PLD1: variants seen among roughly 807,000 people sequenced by gnomAD.
PLD1 encodes choline phosphatase 1.
PLD1 carries 112 observed loss-of-function variants against 137.1 expected under a neutral mutation model. The observed-to-expected ratio is 0.82, with a 90% confidence interval of 0.70 to 0.96. PLD1 has a LOEUF of 0.96. Ranked by LOEUF, PLD1 falls within the 40% of genes least tolerant of loss-of-function variation. The pLI is 0.00. For synonymous variants in PLD1, 431 were observed against 454.7 expected (o/e 0.95, Z 0.66); for missense variants, 1,321 against 1,342.0 (o/e 0.98, Z 0.24).
chr3:171,639,613 ATATATAATATATATTC>A (rs1735517070), intron 23 of PLD1, among the ~76,000 whole-genome samples: 16 of 70,702 alleles, frequency 2.3e-4, no homozygotes, highest in East Asian at 1.3e-3. Flanking sequence ...AATATATATT[ATATATAATATATATTC>A]TATATAATAT....
In PLD1 at chr3:171,712,382, T is replaced by C. The variant is rs1717332672; in HGVS notation, c.911+1511A>G. Among the ~76,000 whole-genome samples the C allele has an allele frequency of 1.3e-5, 2 of 152,108 alleles. 1 individual carries two copies. The highest frequency in any genetic ancestry group is 4.1e-4 in the South Asian group (2 of 4,824). On this transcript the variant is annotated intron_variant, in intron 9 of 26. Transcript: ENST00000351298. ...ACTACTCCAATTGAGCTAAAAAGCC[T>C]CGGAAAAACAGTTATGAGAAGACTT...
intron 19 of PLD1, among the ~76,000 whole-genome samples, chr3:171,673,862 C>T (rs1713052233): frequency 6.6e-6 from 1 of 151,934 alleles, no homozygotes; most frequent in Non-Finnish European, 1.5e-5. Context: ...CTTCTGTCCC[C>T]ACATGATCTC....
chr3:171,752,911 A>G (rs1720760698), intron 1 of PLD1, among the ~76,000 whole-genome samples: 2 of 152,226 alleles, frequency 1.3e-5, no homozygotes, highest in South Asian at 2.1e-4. Context: ...CCTGGCACAC[A>G]TGATGATCTA....
At chr3:171,625,185 C>T (rs957406806) in intron 23 of PLD1, among the ~76,000 whole-genome samples, 76 of 152,298 alleles carry the variant, frequency 5.0e-4, no homozygotes, top group African/African-American at 1.6e-3. Context: ...TAAAAAATGG[C>T]GCACCAGGAG....
At chr3:171,786,210 G>A (rs1018008817) in intron 1 of PLD1, among the ~76,000 whole-genome samples, 5 of 152,128 alleles carry the variant, frequency 3.3e-5, no homozygotes, top group Non-Finnish European at 5.9e-5. Flanking sequence ...CAACTATTTG[G>A]AAATAGCAAT....
intron 8 of PLD1, among the ~76,000 whole-genome samples, chr3:171,719,423 T>C (rs1483447793): frequency 6.6e-6 from 1 of 152,262 alleles, no homozygotes; most frequent in Admixed American, 6.5e-5. Flanking sequence ...TGCCTAGAAC[T>C]ATCTTCTAGC....
intron 12 of PLD1, among the ~76,000 whole-genome samples, chr3:171,696,078 G>T (rs1424342863): frequency 6.6e-6 from 1 of 152,018 alleles, no homozygotes; most frequent in African/African-American, 2.4e-5. Context: ...CCTTTTATTG[G>T]TCACTGACTG....
chr3:171,628,420 A>T (rs1451593507), intron 23 of PLD1, among the ~76,000 whole-genome samples: 6 of 152,172 alleles, frequency 3.9e-5, no homozygotes, highest in Non-Finnish European at 7.4e-5. Flanking sequence ...ACAGCCGAAT[A>T]CTACCAGAGG....
chr3:171,716,825 T>A (rs1225003369), intron 8 of PLD1, among the ~76,000 whole-genome samples: 2 of 152,232 alleles, frequency 1.3e-5, no homozygotes, highest in Non-Finnish European at 2.9e-5. Flanking sequence ...CCCGTTCCAA[T>A]GTCCAGAATG....
chr3:171,790,005 A>G (rs942474603), intron 1 of PLD1: 1 of 152,282 alleles, frequency 6.6e-6, no homozygotes, highest in African/African-American at 2.4e-5. Flanking sequence ...TGCAGCATGC[A>G]TGTACACACA....
intron 21 of PLD1, among the ~76,000 whole-genome samples, chr3:171,647,430 T>C (rs1273495390): frequency 6.6e-6 from 1 of 152,138 alleles, no homozygotes; most frequent in Non-Finnish European, 1.5e-5. Flanking sequence ...ATACATGTAA[T>C]ATAAAATTTG....
chr3:171,723,751 T>C (rs1451918006), intron 8 of PLD1, among the ~76,000 whole-genome samples: 1 of 152,204 alleles, frequency 6.6e-6, no homozygotes, highest in East Asian at 1.9e-4. Context: ...ATACACCTGT[T>C]TGCCATTGGT....
intron 1 of PLD1, among the ~76,000 whole-genome samples, chr3:171,808,141 C>T (rs971220421): frequency 6.6e-6 from 1 of 152,076 alleles, no homozygotes; most frequent in South Asian, 2.1e-4. Context: ...ACCTGGGTGA[C>T]GGGACCAGTT....
chr3:171,733,436 G>T lies in PLD1; in HGVS notation c.606+8C>A, dbSNP rs1246918934. 5.4e-6 allele frequency: 6 copies of T among 1,103,156 alleles called. No homozygotes were observed. Among genetic ancestry groups the T allele is most frequent in the Middle Eastern group, 2.0e-4 (1 of 5,060 alleles). The allele number at this position is 1,103,156 out of a possible 1,614,324, so 68.3% of individuals were successfully genotyped here. The stretch of plus-strand genomic sequence containing the variant: ...TACTCCAAACTTAAATCACTGACTA[G>T]TACTTACTGTGGCATGATAGTTTCT... On this transcript the variant is annotated splice_region_variant and intron_variant, in intron 6 of 26. Coordinates refer to ENST00000351298, the MANE Select transcript of PLD1 (RefSeq NM_002662.5).
intron 1 of PLD1, among the ~76,000 whole-genome samples, chr3:171,774,806 G>T (rs1213597626): frequency 6.6e-6 from 1 of 152,220 alleles, no homozygotes; most frequent in African/African-American, 2.4e-5. Flanking sequence ...GAAGGGCAGG[G>T]TGGTGGGAGG....
intron 1 of PLD1, among the ~76,000 whole-genome samples, chr3:171,774,444 G>C (rs1414594408): frequency 6.6e-6 from 1 of 152,182 alleles, no homozygotes; most frequent in Non-Finnish European, 1.5e-5. Context: ...AAGGCTGAGG[G>C]ACCAGCAGAA....
chr3:171,661,747 G>A lies in PLD1; in HGVS notation c.2340+313C>T, dbSNP rs75563749. On this transcript the variant is annotated intron_variant, in intron 20 of 26. Transcript: ENST00000351298. The stretch of plus-strand genomic sequence containing the variant: ...CACACTTAAACCCTCCAACCCAAGC[G>A]AAAACAAAACTTACCTATCCATGTT... Among the ~76,000 whole-genome samples the A allele has an allele frequency of 0.17, 26,541 of 152,072 alleles. 2,429 individuals are homozygous for A. Among genetic ancestry groups the A allele is most frequent in the South Asian group, 0.24 (1,133 of 4,814 alleles).
At chr3:171,746,235 T>C (rs1374181756) in intron 1 of PLD1, among the ~76,000 whole-genome samples, 2 of 152,158 alleles carry the variant, frequency 1.3e-5, no homozygotes, top group Admixed American at 6.5e-5. Context: ...CCTGGTACCA[T>C]TGACTGCCCA....
intron 1 of PLD1, among the ~76,000 whole-genome samples, chr3:171,776,285 C>A (rs756248700): frequency 2.6e-5 from 4 of 152,170 alleles, no homozygotes; most frequent in Non-Finnish European, 5.9e-5. Flanking sequence ...AAGAGCCCCT[C>A]CCTCATACCA....
Sources: allele counts gnomAD v4.1 joint callset (sites outside exome capture counted in the v4.1 genomes callset), GRCh38; gene constraint gnomAD v4.1.1; transcripts MANE v1.5; gene names NCBI Gene and HGNC (gene_info 2026-07-23, HGNC 2026-07-21).